The following ZNF670 variants were observed in gnomAD, a reference collection of about 807,000 sequenced individuals.
ZNF670 encodes the protein zinc finger protein 670.
A neutral mutation model predicts 10.9 loss-of-function variants in ZNF670; 7 were observed. That is an observed-to-expected ratio of 0.64 (90% CI 0.36 to 1.20). ZNF670 has a LOEUF of 1.20. Ranked by LOEUF, ZNF670 falls within the 50% of genes most tolerant of loss-of-function variation. The pLI, the probability that ZNF670 is intolerant of heterozygous loss-of-function variation, is 0.02. For missense variants in ZNF670, 446 were observed against 458.6 expected (o/e 0.97, Z 0.25); for synonymous variants, 136 against 152.7 (o/e 0.89, Z 0.81).
chr1:247,040,366 A>G (rs998829008), intron 1 of ZNF670, among the ~76,000 whole-genome samples: 1 of 152,260 alleles, frequency 6.6e-6, no homozygotes, highest in Non-Finnish European at 1.5e-5. Flanking sequence ...AACAAAGTGC[A>G]ATGGAGTAAG....
chr1:247,065,159 A>T (rs182488687), intron 1 of ZNF670, among the ~76,000 whole-genome samples: 1 of 152,314 alleles, frequency 6.6e-6, no homozygotes, highest in Admixed American at 6.5e-5. Context: ...AAGAAACTAA[A>T]ATTACTAAAT....
rs374729675 is a variant in ZNF670 at position 247,038,033 on chromosome 1, T to C, written c.586A>G (p.Thr196Ala). 3.1e-6 allele frequency: 5 copies of C among 1,613,968 alleles called. No individual in the cohort carries two copies. In the African/African-American group the frequency reaches 4.0e-5, roughly 13 times the overall value. Residue 196 changes from threonine to alanine, a missense_variant, in exon 4 of 4, where the codon ACA becomes GCA. By Grantham distance (58) the Thr-to-Ala change is moderately conservative. Coordinates refer to ENST00000366503, the MANE Select transcript of ZNF670 (RefSeq NM_033213.5). ...MPQSTYTGEK[T>A]YKCKHCDKAF... ...TTATCACAATGTTTACATTTATATG[T>C]TTTCTCTCCAGTGTAAGTGCTCTGA...
chr1:247,059,237 C>T (rs12081917), intron 1 of ZNF670, among the ~76,000 whole-genome samples: 49,373 of 151,190 alleles, frequency 0.33, 8,872 homozygotes, highest in African/African-American at 0.46. Context: ...GTCAGGAGAT[C>T]GAGACCATCC....
rs769051684 is a variant in ZNF670, at chr1:247,038,259, C to T, written c.360G>A (p.Arg120=). 1.2e-6 allele frequency: 2 copies of T among 1,614,166 alleles called. No individual in the cohort carries two copies. Among genetic ancestry groups the T allele is most frequent in the East Asian group, 2.2e-5 (1 of 44,870 alleles). The change falls in exon 4 of 4, where the codon AGG becomes AGA. Residue 120 remains arginine, a synonymous_variant. Transcript: ENST00000366503. ...KVFICHSALH[R]HILSHIGNKL... is the part of the protein sequence containing the mutation. ...TGTTTCCAATGTGAGACAGGATGTG[C>T]CTATGAAGGGCTGAATGACATATGA...
At chr1:247,039,310 C>T in intron 2 of ZNF670, 101 bp downstream of exon 2, 1 of 1,398,258 alleles carries the variant, frequency 7.2e-7, no homozygotes, top group South Asian at 1.3e-5. Context: ...ATTCACCCGC[C>T]TTGGCCTCCC....
At position 247,035,708 on chromosome 1, in the gene ZNF670, G is replaced by A. The variant is rs896700416; in HGVS notation, c.*1741C>T. ...TAGACATGCTATATATACAGATGAT[G>A]CTATACTATATGGTATACTAGGGCA... On this transcript the variant is annotated 3_prime_UTR_variant, in exon 4 of 4. Transcript: ENST00000366503. Among the ~76,000 whole-genome samples, 1 of 152,118 alleles carries A rather than the reference G, an allele frequency of 6.6e-6. No individual in the cohort carries two copies. Among genetic ancestry groups the A allele is most frequent in the African/African-American group, 2.4e-5 (1 of 41,428 alleles).
intron 1 of ZNF670, among the ~76,000 whole-genome samples, chr1:247,048,774 G>T (rs570231019): frequency 1.3e-5 from 2 of 152,258 alleles, no homozygotes; most frequent in African/African-American, 2.4e-5. Context: ...GTAGGAAGAA[G>T]AATGACTGAA....
chr1:247,047,077 G>C (rs190091454), intron 1 of ZNF670, among the ~76,000 whole-genome samples: 163 of 152,194 alleles, frequency 1.1e-3, no homozygotes, highest in African/African-American at 3.8e-3. Context: ...CTATGGCTTT[G>C]CAGGGTACAG....
Position 247,073,639 on chromosome 1 carries a change from A to C in ZNF670, c.3+4955T>G, listed in dbSNP as rs1469164449. ...ATCTGTGAGTCCTTTTTCTGATACC[A>C]AATGTGTGGACTTTGCTGAACACCA... On this transcript the variant is annotated intron_variant, in intron 1 of 3. Coordinates refer to ENST00000366503, the MANE Select transcript of ZNF670 (RefSeq NM_033213.5). Among the ~76,000 whole-genome samples the C allele has an allele frequency of 3.9e-5, 6 of 152,164 alleles. No homozygotes were observed. The South Asian group carries it at 1.2e-3, about 32-fold the overall frequency.
At chr1:247,078,501 C>T in intron 1 of ZNF670, 93 bp downstream of exon 1, 4 of 1,530,538 alleles carry the variant, frequency 2.6e-6, no homozygotes, top group Non-Finnish European at 3.6e-6. Flanking sequence ...GGCGGAAACT[C>T]GGGTCGGCAC....
At position 247,072,853 on chromosome 1, in the gene ZNF670, T is replaced by TACACACACACACAC. The variant is rs67112261; in HGVS notation, c.3+5727_3+5740dup. On this transcript the variant is annotated intron_variant, in intron 1 of 3. Coordinates refer to ENST00000366503, the MANE Select transcript of ZNF670 (RefSeq NM_033213.5). ...ATATATATATATGCATACACACACA[T>TACACACACACACAC]ACACACACACACACAAACATCTTTT... Among the ~76,000 whole-genome samples the TACACACACACACAC allele has an allele frequency of 9.0e-3, 895 of 99,920 alleles. 19 individuals carry two copies. Among genetic ancestry groups the TACACACACACACAC allele is most frequent in the Middle Eastern group, 0.027 (6 of 224 alleles). The allele number at this position is 99,920 out of a possible 152,430, so 65.6% of individuals were successfully genotyped here.
chr1:247,059,425 G>A (rs1482506830), intron 1 of ZNF670, among the ~76,000 whole-genome samples: 2 of 152,032 alleles, frequency 1.3e-5, no homozygotes, highest in African/African-American at 4.8e-5. Flanking sequence ...CAGCCTGGGA[G>A]ACAGGGCGAG....
At chr1:247,068,382 C>A (rs1671042113) in intron 1 of ZNF670, among the ~76,000 whole-genome samples, 1 of 140,440 alleles carries the variant, frequency 7.1e-6, no homozygotes. Context: ...AGAAGACACA[C>A]AAATGGAAAA....
Position 247,037,311 on chromosome 1 carries a change from T to C in ZNF670, c.*138A>G. ...AAGGGAACTAGGAAAATTGCATACA[T>C]TCTAATCTTCCTTACATGTGTTGGG... On this transcript the variant is annotated 3_prime_UTR_variant, in exon 4 of 4. Transcript: ENST00000366503. The C allele has an allele frequency of 9.4e-7, 1 of 1,069,366 alleles. No individual in the cohort carries two copies. 66.2% of individuals were successfully genotyped at this position (1,069,366 alleles called of 1,614,324 possible). A position where few individuals can be genotyped will look rare whatever the true frequency, so the allele number is the denominator to read the frequency against.
In ZNF670 at chr1:247,059,904, T is replaced by G. The variant is rs1670818185; in HGVS notation, c.3+18690A>C. On this transcript the variant is annotated intron_variant, in intron 1 of 3. Coordinates refer to ENST00000366503, the MANE Select transcript of ZNF670 (RefSeq NM_033213.5). ...TTTAAATTTAAAAACACAACAGCAC[T>G]TATATAGCACCCAGTAAAAAGAAAG... Among the ~76,000 whole-genome samples, 3 of 152,264 alleles carry G rather than the reference T, an allele frequency of 2.0e-5. No homozygotes were observed. In the South Asian group the frequency reaches 6.2e-4, roughly 32 times the overall value.
At chr1:247,062,535 G>A (rs767165703) in intron 1 of ZNF670, among the ~76,000 whole-genome samples, 2 of 152,138 alleles carry the variant, frequency 1.3e-5, no homozygotes, top group Non-Finnish European at 2.9e-5. Context: ...AACACAGGGA[G>A]GGGTGGTACT....
chr1:247,043,880 T>G, intron 1 of ZNF670: 1 of 325,486 alleles, frequency 3.1e-6, no homozygotes, highest in East Asian at 8.4e-5. Flanking sequence ...AAAAGGAGAA[T>G]TAAACTGAAT....
intron 1 of ZNF670, among the ~76,000 whole-genome samples, chr1:247,067,225 C>G (rs1046381045): frequency 6.6e-6 from 1 of 151,164 alleles, no homozygotes; most frequent in African/African-American, 2.4e-5. Flanking sequence ...CACCTGAGGT[C>G]AGGAGTTCAA....
At position 247,053,534 on chromosome 1, in the gene ZNF670, G is replaced by A. The variant is rs1044351354; in HGVS notation, c.4-13997C>T. On this transcript the variant is annotated intron_variant, in intron 1 of 3. Transcript: ENST00000366503. ...GCCTGTAGTCCCAGCTACTCAGGAC[G>A]CTGAGGCAGGAGAATGGCGTGAACC... Among the ~76,000 whole-genome samples, 10 of 152,318 alleles carry A rather than the reference G, an allele frequency of 6.6e-5. No homozygotes were observed. In the East Asian group the frequency reaches 1.4e-3, roughly 21 times the overall value.
Sources: gnomAD v4.1 joint callset for allele counts (sites outside exome capture counted in the v4.1 genomes callset) on GRCh38, gnomAD v4.1.1 for gene constraint, MANE v1.5 for transcripts, NCBI Gene and HGNC (gene_info 2026-07-23, HGNC 2026-07-21) for gene names.